NSMCE1: variants seen among roughly 807,000 people sequenced by gnomAD.
NSMCE1 encodes the protein NSE1 component of SMC5/6 complex.
In NSMCE1, 18 loss-of-function variants were observed where a neutral mutation model predicts 29.6. That is an observed-to-expected ratio of 0.61 (90% CI 0.42 to 0.90). NSMCE1 has a LOEUF of 0.90. Ranked by LOEUF, NSMCE1 falls within the 40% of genes least tolerant of loss-of-function variation. The pLI, the probability that NSMCE1 is intolerant of heterozygous loss-of-function variation, is 0.00. For missense variants in NSMCE1, 314 were observed against 343.6 expected (o/e 0.91, Z 0.68); for synonymous variants, 124 against 133.4 (o/e 0.93, Z 0.49).
intron 1 of NSMCE1, among the ~76,000 whole-genome samples, chr16:27,259,258 G>A (rs1304398844): frequency 2.6e-5 from 4 of 152,042 alleles, no homozygotes; most frequent in Non-Finnish European, 4.4e-5. Context: ...ATCATCTGGT[G>A]TGGACGGTGC....
Position 27,225,745 on chromosome 16 carries a change from G to A in NSMCE1, c.702C>T (p.Tyr234=). The change falls in exon 7 of 8, where the codon TAC becomes TAT. Residue 234 remains tyrosine (Y), a synonymous_variant. Transcript: ENST00000361439. ...ACGCACTTGGGATCTCGTGGGGCCA[G>A]TAGTCGTTGCAGTGGGGGCAGCGCG... ...AEPRCPHCND[Y]WPHEIPKVFD... is the part of the protein sequence containing the mutation. The A allele has an allele frequency of 6.2e-7, 1 of 1,614,202 alleles. No individual in the cohort carries two copies. The highest frequency in any genetic ancestry group is 8.5e-7 in the Non-Finnish European group (1 of 1,180,038).
At chr16:27,244,342 T>C (rs2083928866) in intron 2 of NSMCE1, among the ~76,000 whole-genome samples, 1 of 152,204 alleles carries the variant, frequency 6.6e-6, no homozygotes, top group Non-Finnish European at 1.5e-5. Flanking sequence ...GCCCTTCCCT[T>C]TCCCCACTCA....
At chr16:27,229,251 A>C (rs2083738526) in intron 5 of NSMCE1, among the ~76,000 whole-genome samples, 1 of 152,242 alleles carries the variant, frequency 6.6e-6, no homozygotes, top group South Asian at 2.1e-4. Context: ...CTTCAGCTCA[A>C]GTGTCACTTC....
intron 2 of NSMCE1, among the ~76,000 whole-genome samples, chr16:27,240,824 G>C (rs934722733): frequency 6.6e-6 from 1 of 152,194 alleles, no homozygotes; most frequent in African/African-American, 2.4e-5. Context: ...TGTAATCACA[G>C]TACTTTGGAA....
intron 6 of NSMCE1, 73 bp from the exon 7 acceptor site, chr16:27,225,919 C>G (rs1596666535): frequency 1.3e-6 from 2 of 1,581,360 alleles, no homozygotes; most frequent in Non-Finnish European, 8.6e-7. Flanking sequence ...GGGGAAGCCA[C>G]AAGGGAAATG....
At chr16:27,243,798 G>C (rs1168601833) in intron 2 of NSMCE1, among the ~76,000 whole-genome samples, 1 of 152,140 alleles carries the variant, frequency 6.6e-6, no homozygotes, top group Admixed American at 6.5e-5. Context: ...CTACAAGCAC[G>C]AGCCACTACG....
At chr16:27,246,005 TCAACG>T (rs1286804480) in intron 2 of NSMCE1, among the ~76,000 whole-genome samples, 2 of 152,146 alleles carry the variant, frequency 1.3e-5, no homozygotes, top group African/African-American at 4.8e-5. Context: ...TGATTCACCA[TCAACG>T]CACGTAGCCT....
intron 2 of NSMCE1, among the ~76,000 whole-genome samples, chr16:27,252,734 C>A (rs554872703): frequency 1.2e-4 from 18 of 152,076 alleles, no homozygotes; most frequent in African/African-American, 4.3e-4. Context: ...GCCTGGCCAA[C>A]ATGGTGAAAC....
chr16:27,263,297 T>G (rs1183705011), intron 1 of NSMCE1, among the ~76,000 whole-genome samples: 12 of 152,146 alleles, frequency 7.9e-5, no homozygotes, highest in Non-Finnish European at 5.9e-5. Flanking sequence ...TCAACCTAAA[T>G]GCCCATCAAT....
intron 2 of NSMCE1, chr16:27,241,961 C>A: frequency 2.7e-6 from 1 of 371,378 alleles, no homozygotes. Context: ...GATGCAATCA[C>A]GAAAGGATGT....
At chr16:27,245,399 T>C (rs893987502) in intron 2 of NSMCE1, among the ~76,000 whole-genome samples, 1 of 152,216 alleles carries the variant, frequency 6.6e-6, no homozygotes, top group African/African-American at 2.4e-5. Flanking sequence ...ATGTCTGGGA[T>C]CCAGTTCAAA....
intron 1 of NSMCE1, among the ~76,000 whole-genome samples, chr16:27,267,615 G>C (rs1167486270): frequency 1.3e-5 from 2 of 149,332 alleles, no homozygotes; most frequent in Non-Finnish European, 2.9e-5. Flanking sequence ...GTGGATGATC[G>C]GATGCAGGGG....
At position 27,225,717 on chromosome 16, in the gene NSMCE1, C is replaced by A. The variant is rs778687691; in HGVS notation, c.721+9G>T. The A allele has an allele frequency of 4.3e-6, 7 of 1,613,882 alleles. No homozygotes were observed. The highest frequency in any genetic ancestry group is 5.9e-6 in the Non-Finnish European group (7 of 1,179,972). On this transcript the variant is annotated intron_variant, in intron 7 of 7. Coordinates refer to ENST00000361439, the MANE Select transcript of NSMCE1 (RefSeq NM_145080.4). ...AGCCCCTCCCATGAGCTCCTCAGGG[C>A]CCACGCACTTGGGATCTCGTGGGGC... is the stretch of plus-strand genomic sequence containing the variant.
rs58108385 is a variant in NSMCE1, at chr16:27,251,191, A to AAT, written c.136+6242_136+6243dup. ...ATATATATATATATATATATATATA[A>AAT]ATATATATATATATATAAAACTCTG... On this transcript the variant is annotated intron_variant, in intron 2 of 7. Transcript: ENST00000361439. Among the ~76,000 whole-genome samples the AAT allele has an allele frequency of 1.1e-3, 36 of 32,288 alleles. No individual in the cohort carries two copies. The East Asian group carries it at 0.021, about 19-fold the overall frequency. 21.2% of individuals were successfully genotyped at this position (32,288 alleles called of 152,430 possible). A position where few individuals can be genotyped will look rare whatever the true frequency, so the allele number is the denominator to read the frequency against.
At position 27,254,903 on chromosome 16, in the gene NSMCE1, ATG is replaced by A. The variant is rs1290031250; in HGVS notation, c.136+2530_136+2531del. ...TTTTTTTTTTTTTTTTTTTTGATAC[ATG>A]GTCTCGCTCTGTCGCCCAAGCTGGA... On this transcript the variant is annotated intron_variant, in intron 2 of 7. Coordinates refer to ENST00000361439, the MANE Select transcript of NSMCE1 (RefSeq NM_145080.4). Among the ~76,000 whole-genome samples, 59 of 96,370 alleles carry A rather than the reference ATG, an allele frequency of 6.1e-4. No individual in the cohort carries two copies. In the East Asian group the frequency reaches 0.018, roughly 30 times the overall value. 63.2% of individuals were successfully genotyped at this position (96,370 alleles called of 152,430 possible). A position where few individuals can be genotyped will look rare whatever the true frequency, so the allele number is the denominator to read the frequency against.
intron 5 of NSMCE1, among the ~76,000 whole-genome samples, chr16:27,231,692 C>T (rs1238832431): frequency 6.6e-6 from 1 of 151,822 alleles, no homozygotes; most frequent in Non-Finnish European, 1.5e-5. Context: ...CGAGAATGGT[C>T]AGTTATAACC....
chr16:27,239,904 T>G (rs1340153610), intron 2 of NSMCE1, among the ~76,000 whole-genome samples: 4 of 152,216 alleles, frequency 2.6e-5, no homozygotes, highest in Non-Finnish European at 5.9e-5. Flanking sequence ...TAGCTCATGT[T>G]AGGCTAAAAT....
At chr16:27,267,969 C>T (rs969454686) in intron 1 of NSMCE1, among the ~76,000 whole-genome samples, 1 of 152,036 alleles carries the variant, frequency 6.6e-6, no homozygotes, top group African/African-American at 2.4e-5. Flanking sequence ...TTTCGAACTC[C>T]GAACCTCAGG....
rs1222257806 is a variant in NSMCE1 at position 27,225,239 on chromosome 16, G to A, written c.722-3C>T. The A allele has an allele frequency of 1.9e-6, 3 of 1,589,272 alleles. No homozygotes were observed. The Admixed American group carries it at 5.1e-5, about 27-fold the overall frequency. On this transcript the variant is annotated splice_region_variant and splice_polypyrimidine_tract_variant and intron_variant, in intron 7 of 7. Transcript: ENST00000361439. ...CTCCTTCTCAGGGTCGAAGACTTCT[G>A]TAGACAGAAAAGGCAGGAAAGACAC...
Sources: gnomAD v4.1 joint callset for allele counts (sites outside exome capture counted in the v4.1 genomes callset) on GRCh38, gnomAD v4.1.1 for gene constraint, MANE v1.5 for transcripts, NCBI Gene and HGNC (gene_info 2026-07-23, HGNC 2026-07-21) for gene names.